ATPAF1: variants seen among roughly 807,000 people sequenced by gnomAD.
ATPAF1 encodes the protein homolog of yeast ATP11.
Under a neutral mutation model 43.9 loss-of-function variants are expected in ATPAF1, and 26 were observed. The observed-to-expected ratio is 0.59, with a 90% CI of 0.43 to 0.82. The LOEUF is 0.82. Among genes scored for constraint, ATPAF1 ranks in the 40% least tolerant of loss-of-function variants. ATPAF1 has a pLI of 0.00. For synonymous variants in ATPAF1, 157 were observed against 168.0 expected (o/e 0.93, Z 0.50); for missense variants, 366 against 435.0 (o/e 0.84, Z 1.41).
In ATPAF1 at chr1:46,665,387, G is replaced by A. The variant is rs1676471808; in HGVS notation, c.267-23C>T. The A allele has an allele frequency of 1.9e-6, 3 of 1,608,178 alleles. No individual in the cohort carries two copies. In the East Asian group the frequency reaches 6.7e-5, roughly 36 times the overall value. On this transcript the variant is annotated intron_variant, in intron 1 of 8. Coordinates refer to ENST00000574428, the Ensembl canonical transcript of ATPAF1. ...GACCTGATCAGAGGTAAACCAAAGG[G>A]TAAACCAACTGGGCCTTTTTGAATT...
In ATPAF1 at chr1:46,668,153, T is replaced by A; in HGVS notation, c.170A>T (p.Glu57Val). ...GACCCCGCTGCTGTCGGCGCCCCCC[T>A]CGGGCCGGCCCGAGCCGGGGCGCAC... Residue 57 changes from glutamate to valine, a missense_variant, in exon 1 of 9, where the codon GAG (glutamate) becomes GTG (valine). Physicochemically the swap from Glu to Val is moderately radical, Grantham distance 121 (BLOSUM62 -2). This residue lies in a region of ATPAF1 where 186 missense variants were observed against 168.5 expected (regional missense o/e 1.10). Coordinates refer to ENST00000574428, the Ensembl canonical transcript of ATPAF1. The surrounding 1 kb of genome is among the most constrained non-coding windows in gnomAD (Gnocchi z 4.4). 7.5e-7 allele frequency: 1 copy of A among 1,327,524 alleles called. No individual in the cohort carries two copies. Among genetic ancestry groups the A allele is most frequent in the African/African-American group, 1.6e-5 (1 of 62,862 alleles). 82.2% of individuals were successfully genotyped at this position (1,327,524 alleles called of 1,614,324 possible).
chr1:46,657,807 G>A (rs1676300584), intron 4 of ATPAF1, among the ~76,000 whole-genome samples: 1 of 152,060 alleles, frequency 6.6e-6, no homozygotes, highest in Non-Finnish European at 1.5e-5. Flanking sequence ...AATATTATGG[G>A]TGGAGTGGAA....
At chr1:46,640,134 C>T (rs2148814923) in intron 8 of ATPAF1, among the ~76,000 whole-genome samples, 1 of 152,318 alleles carries the variant, frequency 6.6e-6, no homozygotes, top group African/African-American at 2.4e-5. Context: ...TTTTCACTTT[C>T]CTCATTACCC....
chr1:46,668,427 C>T, upstream of ATPAF1: 2 of 1,152,424 alleles, frequency 1.7e-6, no homozygotes, highest in Non-Finnish European at 2.1e-6. This position sits in a 1 kb window ranked among gnomAD's most constrained non-coding sequence, Gnocchi z 4.4. Flanking sequence ...GCTCCGGCAC[C>T]GAGGTTCCGC....
intron 2 of ATPAF1, chr1:46,664,811 C>A (rs773667753): frequency 5.5e-5 from 9 of 162,214 alleles, no homozygotes; most frequent in Non-Finnish European, 1.1e-4. Flanking sequence ...GAAGACCATA[C>A]GGCCCACAAT....
At chr1:46,649,808 C>G (rs2148819577) in intron 6 of ATPAF1, among the ~76,000 whole-genome samples, 1 of 152,054 alleles carries the variant, frequency 6.6e-6, no homozygotes. Flanking sequence ...TGTTTGTAAT[C>G]CCAGCTACTT....
intron 2 of ATPAF1, 139 bp from the exon 3 acceptor site, chr1:46,658,876 C>A: frequency 1.9e-6 from 1 of 529,316 alleles, no homozygotes; most frequent in South Asian, 3.5e-5. Context: ...AATAATTGTT[C>A]TAAAATTTTA....
chr1:46,641,539 G>A (rs115657225), intron 8 of ATPAF1, among the ~76,000 whole-genome samples: 227 of 152,206 alleles, frequency 1.5e-3, no homozygotes, highest in African/African-American at 5.3e-3. Context: ...ATTCTTCGGA[G>A]TTTCTCTTCC....
In ATPAF1 at chr1:46,653,732, G is replaced by T. The variant is rs186852401; in HGVS notation, c.540+85C>A. 1 of 1,329,100 alleles carries T rather than the reference G, an allele frequency of 7.5e-7. No homozygotes were observed. The highest frequency in any genetic ancestry group is 2.4e-5 in the East Asian group (1 of 41,598). The allele number at this position is 1,329,100 out of a possible 1,614,324, so 82.3% of individuals were successfully genotyped here. On this transcript the variant is annotated intron_variant, in intron 5 of 8. Transcript: ENST00000574428. This position sits in a 1 kb window ranked among gnomAD's most constrained non-coding sequence, Gnocchi z 4.8. ...AGCTTCTCAAGAGGCAATAAACATA[G>T]GAAAAGTAAAGGCAACTGCCTGCTA...
rs1177944520 is a variant in ATPAF1, at chr1:46,653,403, T to C, written c.540+414A>G. On this transcript the variant is annotated intron_variant, in intron 5 of 8. Transcript: ENST00000574428. This position sits in a 1 kb window ranked among gnomAD's most constrained non-coding sequence, Gnocchi z 4.8. The stretch of plus-strand genomic sequence containing the variant: ...TGCTAAGGGGAATATTCACCAGAGA[T>C]AGACTAGGAAGAGGCTCCAAGTCAG... Among the ~76,000 whole-genome samples the C allele has an allele frequency of 6.6e-6, 1 of 151,970 alleles. No homozygotes were observed. Among genetic ancestry groups the C allele is most frequent in the Non-Finnish European group, 1.5e-5 (1 of 68,012 alleles).
chr1:46,660,094 A>G (rs937048660), intron 2 of ATPAF1, among the ~76,000 whole-genome samples: 2 of 151,174 alleles, frequency 1.3e-5, no homozygotes, highest in African/African-American at 4.9e-5. Flanking sequence ...CTCCCACCTC[A>G]GTCTCCCGAG....
At chr1:46,650,363 G>GAA (rs60817653) in intron 6 of ATPAF1, among the ~76,000 whole-genome samples, 7,139 of 139,154 alleles carry the variant, frequency 0.051, 542 homozygotes, top group African/African-American at 0.17. Flanking sequence ...ATCTCTAAAT[G>GAA]AAAAAAAAAA....
intron 4 of ATPAF1, 147 bp from the exon 5 acceptor site, chr1:46,654,014 C>A: frequency 5.0e-6 from 3 of 604,836 alleles, no homozygotes; most frequent in Admixed American, 3.3e-5. Flanking sequence ...ATTACTAGCA[C>A]ATCACAAAAA....
chr1:46,655,316 A>G (rs1396148116), intron 4 of ATPAF1, among the ~76,000 whole-genome samples: 1 of 152,202 alleles, frequency 6.6e-6, no homozygotes, highest in South Asian at 2.1e-4. Flanking sequence ...AAAGTCTTCT[A>G]CATGTGGAAG....
At chr1:46,633,592 T>G (rs1675787866), downstream of ATPAF1, 6 of 408,152 alleles carry the variant, frequency 1.5e-5, no homozygotes, top group Non-Finnish European at 2.8e-5. Flanking sequence ...ACAATTTTCT[T>G]TGAGTTCTTT....
intron 8 of ATPAF1, among the ~76,000 whole-genome samples, chr1:46,641,132 C>T (rs1019312329): frequency 1.3e-5 from 2 of 152,194 alleles, no homozygotes; most frequent in South Asian, 2.1e-4. Flanking sequence ...GGCTGGAGTG[C>T]AATGGTGCAA....
In ATPAF1 at chr1:46,653,979, A is replaced by C; in HGVS notation, c.490-112T>G. ...AGGAATATGCTATTTGATAACAGAG[A>C]GGAAAAACCCAGTATAACGCTTTCA... On this transcript the variant is annotated intron_variant, in intron 4 of 8. Transcript: ENST00000574428. The surrounding 1 kb of genome is among the most constrained non-coding windows in gnomAD (Gnocchi z 4.8). 1 of 946,382 alleles carries C rather than the reference A, an allele frequency of 1.1e-6. No homozygotes were observed. The highest frequency in any genetic ancestry group is 1.6e-6 in the Non-Finnish European group (1 of 627,262). The allele number at this position is 946,382 out of a possible 1,614,324, so 58.6% of individuals were successfully genotyped here.
chr1:46,652,494 G>GTACAATCA, intron 6 of ATPAF1, 87 bp downstream of exon 6: 19 of 1,326,328 alleles, frequency 1.4e-5, no homozygotes, highest in South Asian at 2.5e-5. Context: ...TAACATGTGA[G>GTACAATCA]ACAGTATGGA....
intron 2 of ATPAF1, among the ~76,000 whole-genome samples, chr1:46,660,783 G>A (rs1160055004): frequency 1.3e-5 from 2 of 152,102 alleles, no homozygotes; most frequent in Non-Finnish European, 2.9e-5. Context: ...TATCATAATA[G>A]TTTATTGGAT....
Sources: allele counts gnomAD v4.1 joint callset (sites outside exome capture counted in the v4.1 genomes callset), GRCh38; gene constraint gnomAD v4.1.1; regional missense constraint gnomAD v4.1.1; non-coding constraint Gnocchi (gnomAD v3.1); transcripts MANE v1.5; gene names NCBI Gene and HGNC (gene_info 2026-07-23, HGNC 2026-07-21).